Variants in SPIRE1 observed in about 807,000 individuals in gnomAD.
SPIRE1 encodes spire type actin nucleation factor 1.
Under a neutral mutation model 94.1 loss-of-function variants are expected in SPIRE1, and 40 were observed. The ratio of observed to expected loss-of-function variants is 0.43; its 90% CI spans 0.33 to 0.55. The LOEUF is 0.55. Among genes scored for constraint, SPIRE1 ranks in the 20% least tolerant of loss-of-function variants. The pLI, the probability that SPIRE1 is intolerant of heterozygous loss-of-function variation, is 0.06. For synonymous variants in SPIRE1, 376 were observed against 371.7 expected (o/e 1.01, Z -0.13); for missense variants, 838 against 975.2 (o/e 0.86, Z 1.87).
intron 6 of SPIRE1, among the ~76,000 whole-genome samples, chr18:12,501,096 G>GA (rs1180397548): frequency 6.0e-4 from 54 of 89,656 alleles, no homozygotes; most frequent in African/African-American, 1.7e-3. Flanking sequence ...AAAAAAAAAA[G>GA]AAAAAAAAAA....
chr18:12,449,690 G>A lies in SPIRE1; in HGVS notation c.2219C>T (p.Ser740Leu), dbSNP rs2031126617. The change falls in exon 17 of 17, where the codon TCG becomes TTG. Residue 740 changes from serine to leucine, a missense_variant. Physicochemically the swap from Ser to Leu is moderately radical, Grantham distance 145. This residue lies in a region of SPIRE1 where 645 missense variants were observed against 804.7 expected (regional missense o/e 0.80). Transcript: ENST00000409402. Reference protein sequence around the residue: ...KRKTQSFYMSSPGPSEYCPSE... With the variant: ...KRKTQSFYMSLPGPSEYCPSE... Reference sequence around the variant, plus strand: ...AGGGCAGTACTCCGAGGGGCCTGGCGAGGACATGTAGAAAGACTGCGTTTT... The same window carrying A: ...AGGGCAGTACTCCGAGGGGCCTGGCAAGGACATGTAGAAAGACTGCGTTTT... 1.2e-6 allele frequency: 2 copies of A among 1,614,168 alleles called. No individual in the cohort carries two copies. The highest frequency in any genetic ancestry group is 1.7e-6 in the Non-Finnish European group (2 of 1,180,036).
chr18:12,466,248 T>C (rs1020573012), intron 10 of SPIRE1, among the ~76,000 whole-genome samples: 6 of 152,126 alleles, frequency 3.9e-5, no homozygotes, highest in Non-Finnish European at 7.4e-5. Context: ...GAGATAAACA[T>C]TTACTTGTAA....
chr18:12,472,125 A>G (rs1309647141), intron 10 of SPIRE1, among the ~76,000 whole-genome samples: 3 of 152,108 alleles, frequency 2.0e-5, no homozygotes, highest in Admixed American at 2.0e-4. Flanking sequence ...GCTGCTATCT[A>G]TGGTCTTTGT....
chr18:12,614,201 CA>C (rs1171843995), intron 2 of SPIRE1, among the ~76,000 whole-genome samples: 1 of 152,110 alleles, frequency 6.6e-6, no homozygotes, highest in African/African-American at 2.4e-5. Flanking sequence ...GTGCAGACTG[CA>C]GTGAGCTATG....
At chr18:12,583,280 T>C (rs2036304646) in intron 2 of SPIRE1, among the ~76,000 whole-genome samples, 1 of 152,120 alleles carries the variant, frequency 6.6e-6, no homozygotes, top group Admixed American at 6.6e-5. Context: ...GAGACCAGCA[T>C]GGGCAACAGC....
At chr18:12,549,495 A>G (rs1434991308) in intron 2 of SPIRE1, among the ~76,000 whole-genome samples, 1 of 112,664 alleles carries the variant, frequency 8.9e-6, no homozygotes, top group Admixed American at 1.4e-4. Flanking sequence ...CTCTGTCACC[A>G]GGCTGGAGTG....
chr18:12,600,341 A>C (rs2036798317), intron 2 of SPIRE1, among the ~76,000 whole-genome samples: 1 of 152,314 alleles, frequency 6.6e-6, no homozygotes, highest in South Asian at 2.1e-4. Context: ...TAAGCTTCTA[A>C]ACGTGTGGTA....
intron 2 of SPIRE1, among the ~76,000 whole-genome samples, chr18:12,600,832 C>T (rs1330655806): frequency 6.6e-6 from 1 of 151,202 alleles, no homozygotes; most frequent in Non-Finnish European, 1.5e-5. Context: ...AAAAGTGTTC[C>T]TCCTAAGTCA....
intron 10 of SPIRE1, among the ~76,000 whole-genome samples, chr18:12,478,946 A>G (rs566143792): frequency 2.0e-5 from 3 of 152,060 alleles, no homozygotes; most frequent in Non-Finnish European, 4.4e-5. Flanking sequence ...TGGTATTACT[A>G]TTACAAAAAG....
At chr18:12,572,781 A>C (rs980553368) in intron 2 of SPIRE1, among the ~76,000 whole-genome samples, 2 of 152,226 alleles carry the variant, frequency 1.3e-5, no homozygotes, top group African/African-American at 4.8e-5. Context: ...ATACAAAATG[A>C]AGCCAGGATT....
intron 7 of SPIRE1, among the ~76,000 whole-genome samples, chr18:12,493,866 A>T (rs148222112): frequency 3.9e-5 from 6 of 152,114 alleles, no homozygotes; most frequent in African/African-American, 1.4e-4. Context: ...GTTGCAATGC[A>T]GGTTATTACT....
At chr18:12,457,843 TTTC>T (rs1345863817) in intron 12 of SPIRE1, among the ~76,000 whole-genome samples, 1 of 144,294 alleles carries the variant, frequency 6.9e-6, no homozygotes, top group East Asian at 2.0e-4. Context: ...TCTTTTCTTT[TTTC>T]TTTTTTTTTT....
chr18:12,608,881 T>G (rs2037060472), intron 2 of SPIRE1, among the ~76,000 whole-genome samples: 2 of 152,168 alleles, frequency 1.3e-5, no homozygotes, highest in African/African-American at 2.4e-5. Context: ...GAAGCAAAAC[T>G]GAGGATTACT....
chr18:12,650,352 A>T (rs143432009), intron 1 of SPIRE1, among the ~76,000 whole-genome samples: 4 of 152,264 alleles, frequency 2.6e-5, no homozygotes, highest in African/African-American at 9.6e-5. Flanking sequence ...TGAGCCCAGA[A>T]GTTCCAAACA....
intron 10 of SPIRE1, among the ~76,000 whole-genome samples, chr18:12,472,008 C>T (rs749133008): frequency 3.3e-5 from 5 of 152,152 alleles, no homozygotes; most frequent in African/African-American, 4.8e-5. Context: ...TAGTCTTCAA[C>T]TCCTGACCTC....
intron 4 of SPIRE1, among the ~76,000 whole-genome samples, chr18:12,533,931 TTACA>T (rs1366432787): frequency 1.1e-5 from 1 of 87,474 alleles, no homozygotes; most frequent in African/African-American, 5.5e-5. Flanking sequence ...AGCTAATCCA[TTACA>T]CACACACACA....
intron 2 of SPIRE1, among the ~76,000 whole-genome samples, chr18:12,599,348 C>A (rs896171622): frequency 6.6e-6 from 1 of 152,108 alleles, no homozygotes; most frequent in Non-Finnish European, 1.5e-5. Flanking sequence ...AAGCTCATAA[C>A]CTTGAATTCC....
chr18:12,628,379 G>C (rs1202270209), intron 2 of SPIRE1, among the ~76,000 whole-genome samples: 1 of 152,090 alleles, frequency 6.6e-6, no homozygotes, highest in East Asian at 1.9e-4. Context: ...TGTTATTTCT[G>C]AGGCCTCTGT....
At chr18:12,506,721 G>A (rs2033848919) in intron 5 of SPIRE1, 80 bp from the exon 6 acceptor site, 2 of 1,320,340 alleles carry the variant, frequency 1.5e-6, no homozygotes, top group Admixed American at 2.1e-5. Context: ...CAGAATAAAT[G>A]AAGAGCTTGG....
Sources: allele counts gnomAD v4.1 joint callset (sites outside exome capture counted in the v4.1 genomes callset), GRCh38; gene constraint gnomAD v4.1.1; regional missense constraint gnomAD v4.1.1; transcripts MANE v1.5; gene names NCBI Gene and HGNC (gene_info 2026-07-23, HGNC 2026-07-21).